Variants in TOMM40L observed in about 807,000 individuals in gnomAD.
TOMM40L encodes translocase of outer mitochondrial membrane 40 like.
TOMM40L carries 17 observed loss-of-function variants against 38.3 expected under a neutral mutation model. The observed-to-expected ratio is 0.44, with a 90% confidence interval of 0.30 to 0.67. The LOEUF (loss-of-function observed/expected upper bound fraction) is 0.67, where lower values mean the gene tolerates loss of function less well. TOMM40L is among the 30% of genes least tolerant of loss of function. The pLI is 0.08. For missense variants in TOMM40L, 294 were observed against 390.0 expected (o/e 0.75, Z 2.07); for synonymous variants, 151 against 150.2 (o/e 1.01, Z -0.04).
At chr1:161,227,831 T>C (rs768979784) in intron 5 of TOMM40L, 53 bp from the exon 6 acceptor site, 8 of 1,607,020 alleles carry the variant, frequency 5.0e-6, no homozygotes, top group Non-Finnish European at 6.8e-6. Context: ...GAGCAGAGTC[T>C]ATAATGATCA....
Position 161,230,677 on chromosome 1 carries a change from G to A in TOMM40L, c.*1582G>A, listed in dbSNP as rs1666978231. ...AAACGATGTGAGACAGGGATGGCCAGGGGGAAGGACTAGACCCCACGATAC... is the reference window on the plus strand; with the variant it reads ...AAACGATGTGAGACAGGGATGGCCAAGGGGAAGGACTAGACCCCACGATAC... On this transcript the variant is annotated 3_prime_UTR_variant, in exon 10 of 10. Coordinates refer to ENST00000367988, the MANE Select transcript of TOMM40L (RefSeq NM_032174.6). The A allele has an allele frequency of 8.9e-7, 1 of 1,125,014 alleles. No individual in the cohort carries two copies. The highest frequency in any genetic ancestry group is 1.5e-5 in the African/African-American group (1 of 64,902). The allele number at this position is 1,125,014 out of a possible 1,614,324, so 69.7% of individuals were successfully genotyped here.
rs1218024722 is a variant in TOMM40L at position 161,229,520 on chromosome 1, TCAGGAAGTGGGGCCCACCCATTCC to T, written c.*429_*452del. ...GGGCTGAAGGGCTAGATGTTTGGTC[TCAGGAAGTGGGGCCCACCCATTCC>T]CAGAAGGAGCTTCTTTACCTCTTAG... On this transcript the variant is annotated 3_prime_UTR_variant, in exon 10 of 10. Transcript: ENST00000367988. 3 of 1,001,278 alleles carry T rather than the reference TCAGGAAGTGGGGCCCACCCATTCC, an allele frequency of 3.0e-6. No homozygotes were observed. In the East Asian group the frequency reaches 7.8e-5, roughly 26 times the overall value. 62.0% of individuals were successfully genotyped at this position (1,001,278 alleles called of 1,614,324 possible).
intron 6 of TOMM40L, 23 bp from the exon 7 acceptor site, chr1:161,228,163 C>A: frequency 6.4e-7 from 1 of 1,570,278 alleles, no homozygotes; most frequent in African/African-American, 1.4e-5. Context: ...TGACTGACTC[C>A]ATGTCTCCCC....
chr1:161,227,111 G>A, intron 3 of TOMM40L, 147 bp from the exon 4 acceptor site: 1 of 1,183,578 alleles, frequency 8.4e-7, no homozygotes. Flanking sequence ...GGGACTTGTT[G>A]CTTTTAATCC....
In TOMM40L at chr1:161,228,712, C is replaced by T. The variant is rs1211509786; in HGVS notation, c.685-3C>T. 6 of 1,614,036 alleles carry T rather than the reference C, an allele frequency of 3.7e-6. No homozygotes were observed. Among genetic ancestry groups the T allele is most frequent in the Non-Finnish European group, 4.2e-6 (5 of 1,180,024 alleles). ...CTCTCTCATCCTTGCCCATGGTTCTCAGGTTCAGGTTGGAGTGGAGTTTGA... is the reference window on the plus strand; with the variant it reads ...CTCTCTCATCCTTGCCCATGGTTCTTAGGTTCAGGTTGGAGTGGAGTTTGA... On this transcript the variant is annotated splice_region_variant and splice_polypyrimidine_tract_variant and intron_variant, in intron 8 of 9. Transcript: ENST00000367988.
Position 161,229,703 on chromosome 1 carries a change from CT to C in TOMM40L, c.*611del, listed in dbSNP as rs778081793. ...TCTTTCATTGCAACCACTGGGCTCC[CT>C]TTGAACCCGGCCCAATCTTTGGTCC... On this transcript the variant is annotated 3_prime_UTR_variant, in exon 10 of 10. Coordinates refer to ENST00000367988, the MANE Select transcript of TOMM40L (RefSeq NM_032174.6). The C allele has an allele frequency of 6.0e-5, 97 of 1,614,042 alleles. No homozygotes were observed. In the South Asian group the frequency reaches 1.0e-3, roughly 17 times the overall value.
In TOMM40L at chr1:161,228,284, T is replaced by C. The variant is rs781486410; in HGVS notation, c.583T>C (p.Leu195=). 1.2e-6 allele frequency: 2 copies of C among 1,606,836 alleles called. No individual in the cohort carries two copies. The highest frequency in any genetic ancestry group is 8.5e-7 in the Non-Finnish European group (1 of 1,175,396). Residue 195 remains leucine, a synonymous_variant, in exon 7 of 10, where the codon TTG becomes CTG. Coordinates refer to ENST00000367988, the MANE Select transcript of TOMM40L (RefSeq NM_032174.6). ...HRRPGEEGAI[L]TLAGKYSAVH... Reference sequence around the variant, plus strand: ...GCGGCCAGGCGAAGAGGGGGCCATCTTGACACTGGCTGGGAAGTACTCGGG... The same window carrying C: ...GCGGCCAGGCGAAGAGGGGGCCATCCTGACACTGGCTGGGAAGTACTCGGG...
rs1666455099 is a variant in TOMM40L at position 161,227,806 on chromosome 1, AGGGCTTGGAAGGAG to A, written c.378+71_379-63del. 39 of 1,603,108 alleles carry A rather than the reference AGGGCTTGGAAGGAG, an allele frequency of 2.4e-5. No homozygotes were observed. In the South Asian group the frequency reaches 4.0e-4, roughly 16 times the overall value. On this transcript the variant is annotated intron_variant, in intron 5 of 9. Coordinates refer to ENST00000367988, the MANE Select transcript of TOMM40L (RefSeq NM_032174.6). ...TCTCCTCCACGGGTTTCCTGCTCTG[AGGGCTTGGAAGGAG>A]GAGCAGAGTCTATAATGATCATAAA...
In TOMM40L at chr1:161,230,609, T is replaced by A; in HGVS notation, c.*1514T>A. 1.1e-5 allele frequency: 7 copies of A among 665,552 alleles called. No individual in the cohort carries two copies. The highest frequency in any genetic ancestry group is 1.8e-5 in the African/African-American group (1 of 54,648). The allele number at this position is 665,552 out of a possible 1,614,324, so 41.2% of individuals were successfully genotyped here. On this transcript the variant is annotated 3_prime_UTR_variant, in exon 10 of 10. Transcript: ENST00000367988. ...GAATAAAAAAAAAATCTGGAAAAAG[T>A]GAGATGAAACAGCAGTATCCAAATA...
At position 161,230,021 on chromosome 1, in the gene TOMM40L, C is replaced by T; in HGVS notation, c.*926C>T. The T allele has an allele frequency of 2.1e-6, 3 of 1,429,296 alleles. No homozygotes were observed. In the South Asian group the frequency reaches 3.8e-5, roughly 18 times the overall value. The allele number at this position is 1,429,296 out of a possible 1,614,324, so 88.5% of individuals were successfully genotyped here. ...GGCCCTGATCCCCTGAACTATTCCT[C>T]AGTGAAGCCAGGTCTGAACATTAGA... On this transcript the variant is annotated 3_prime_UTR_variant, in exon 10 of 10. Coordinates refer to ENST00000367988, the MANE Select transcript of TOMM40L (RefSeq NM_032174.6).
intron 3 of TOMM40L, 123 bp from the exon 4 acceptor site, chr1:161,227,135 G>T (rs1272054055): frequency 8.4e-7 from 1 of 1,188,112 alleles, no homozygotes; most frequent in Admixed American, 2.0e-5. Flanking sequence ...GACCTTCTCT[G>T]TATATGTTGG....
chr1:161,229,357 G>A lies in TOMM40L; in HGVS notation c.*262G>A. On this transcript the variant is annotated 3_prime_UTR_variant, in exon 10 of 10. Transcript: ENST00000367988. Reference sequence around the variant, plus strand: ...CTTGTGGCTGTGGACTAAGGGAGAAGGATTAAGGGGTATGGCTGAATTCCC... The same window carrying A: ...CTTGTGGCTGTGGACTAAGGGAGAAAGATTAAGGGGTATGGCTGAATTCCC... The A allele has an allele frequency of 1.6e-6, 1 of 618,798 alleles. No individual in the cohort carries two copies. The highest frequency in any genetic ancestry group is 2.0e-5 in the South Asian group (1 of 49,848). 38.3% of individuals were successfully genotyped at this position (618,798 alleles called of 1,614,324 possible).
chr1:161,228,391 T>C, intron 7 of TOMM40L, 37 bp from the exon 8 acceptor site: 1 of 1,613,924 alleles, frequency 6.2e-7, no homozygotes, highest in Non-Finnish European at 8.5e-7. Context: ...CATACTACAG[T>C]TAACACTCCT....
rs1666629537 is a variant in TOMM40L at position 161,229,510 on chromosome 1, A to C, written c.*415A>C. On this transcript the variant is annotated 3_prime_UTR_variant, in exon 10 of 10. Coordinates refer to ENST00000367988, the MANE Select transcript of TOMM40L (RefSeq NM_032174.6). ...TGGGAAAGTAGGGCTGAAGGGCTAG[A>C]TGTTTGGTCTCAGGAAGTGGGGCCC... 2 of 881,008 alleles carry C rather than the reference A, an allele frequency of 2.3e-6. No individual in the cohort carries two copies. The highest frequency in any genetic ancestry group is 3.5e-6 in the Non-Finnish European group (2 of 579,484). The allele number at this position is 881,008 out of a possible 1,614,324, so 54.6% of individuals were successfully genotyped here.
Position 161,226,359 on chromosome 1 carries a change from A to G in TOMM40L, c.-131A>G. ...TCCCTACTCTTCCTGTTCCAGGTGT[A>G]GCGTCGGACCATGTGGAAGTTTCTG... On this transcript the variant is annotated 5_prime_UTR_variant, in exon 2 of 10. The change abolishes the stop of an existing upstream ORF in the 5' untranslated region. Coordinates refer to ENST00000367988, the MANE Select transcript of TOMM40L (RefSeq NM_032174.6). 1 of 718,824 alleles carries G rather than the reference A, an allele frequency of 1.4e-6. No homozygotes were observed. Among genetic ancestry groups the G allele is most frequent in the Non-Finnish European group, 2.3e-6 (1 of 439,002 alleles). The allele number at this position is 718,824 out of a possible 1,614,324, so 44.5% of individuals were successfully genotyped here. A position where few individuals can be genotyped will look rare whatever the true frequency, so the allele number is the denominator to read the frequency against.
chr1:161,229,572 C>T lies in TOMM40L; in HGVS notation c.*477C>T. 6.1e-6 allele frequency: 9 copies of T among 1,484,012 alleles called. No individual in the cohort carries two copies. The highest frequency in any genetic ancestry group is 8.3e-6 in the Non-Finnish European group (9 of 1,089,794). 91.9% of individuals were successfully genotyped at this position (1,484,012 alleles called of 1,614,324 possible). A position where few individuals can be genotyped will look rare whatever the true frequency, so the allele number is the denominator to read the frequency against. On this transcript the variant is annotated 3_prime_UTR_variant, in exon 10 of 10. Coordinates refer to ENST00000367988, the MANE Select transcript of TOMM40L (RefSeq NM_032174.6). ...GAAGGAGCTTCTTTACCTCTTAGCC[C>T]TGAGGTTTCCTCCTTCCCATCTTCT...
chr1:161,226,781 G>T, intron 2 of TOMM40L, 107 bp from the exon 3 acceptor site: 1 of 1,379,456 alleles, frequency 7.2e-7, no homozygotes, highest in Non-Finnish European at 1.0e-6. Context: ...CTTGAAAGGA[G>T]GTTAATTCCT....
rs946597052 is a variant in TOMM40L, at chr1:161,227,551, G to A, written c.277-85G>A. On this transcript the variant is annotated intron_variant, in intron 4 of 9. Transcript: ENST00000367988. ...TTGTGACTCCACCAGGGGGCGCTGT[G>A]CACTCTTAATGAAGTTCTATATTTG... The A allele has an allele frequency of 5.9e-5, 72 of 1,218,052 alleles. No homozygotes were observed. The South Asian group carries it at 6.1e-4, about 10-fold the overall frequency. The allele number at this position is 1,218,052 out of a possible 1,614,324, so 75.5% of individuals were successfully genotyped here.
intron 4 of TOMM40L, 96 bp downstream of exon 4, chr1:161,227,446 G>C: frequency 8.2e-7 from 1 of 1,225,912 alleles, no homozygotes; most frequent in Non-Finnish European, 1.2e-6. Context: ...GGAGGAATGG[G>C]CCGTAACCTG....
Sources: allele counts gnomAD v4.1 joint callset, GRCh38; gene constraint gnomAD v4.1.1; transcripts MANE v1.5; gene names NCBI Gene and HGNC (gene_info 2026-07-23, HGNC 2026-07-21).